SCAPER: variants seen among roughly 807,000 people sequenced by gnomAD.
SCAPER encodes the protein S-phase cyclin A associated protein in the ER, also known as S phase cyclin A-associated protein in the endoplasmic reticulum.
Under a neutral mutation model 182.2 loss-of-function variants are expected in SCAPER, and 98 were observed. The observed-to-expected ratio is 0.54, with a 90% CI of 0.46 to 0.64. SCAPER has a LOEUF of 0.64. Among genes scored for constraint, SCAPER ranks in the 30% least tolerant of loss-of-function variants. The pLI is 0.00. For missense variants in SCAPER, 1,432 were observed against 1,690.0 expected (o/e 0.85, Z 2.68); for synonymous variants, 605 against 564.6 (o/e 1.07, Z -1.01).
At chr15:76,855,457 C>CAAAAAAAAAAAAAA (rs34226154) in intron 4 of SCAPER, among the ~76,000 whole-genome samples, 1 of 116,326 alleles carries the variant, frequency 8.6e-6, no homozygotes, top group Admixed American at 8.5e-5. Flanking sequence ...TTCTGCACAG[C>CAAAAAAAAAAAAAA]AAAAAAAAAA....
chr15:76,434,032 A>G, intron 26 of SCAPER, 46 bp downstream of exon 26: 2 of 1,474,458 alleles, frequency 1.4e-6, no homozygotes, highest in Middle Eastern at 1.8e-4. Flanking sequence ...ATTTTAATAT[A>G]GTTTCTTAAC....
intron 20 of SCAPER, among the ~76,000 whole-genome samples, chr15:76,693,078 T>C (rs1428711550): frequency 1.3e-5 from 2 of 152,188 alleles, no homozygotes; most frequent in African/African-American, 4.8e-5. Context: ...GCTACATTTA[T>C]TTTAAGGCTA....
intron 15 of SCAPER, among the ~76,000 whole-genome samples, chr15:76,741,666 G>A (rs1156322726): frequency 1.3e-5 from 2 of 152,092 alleles, no homozygotes; most frequent in Non-Finnish European, 2.9e-5. Context: ...TATCTTTCTG[G>A]CTGATACACA....
chr15:76,381,733 G>A, intron 27 of SCAPER, 118 bp from the exon 28 acceptor site: 1 of 784,008 alleles, frequency 1.3e-6, no homozygotes, highest in Non-Finnish European at 2.0e-6. Context: ...GAGTTGTATA[G>A]TATGGTAACA....
At chr15:76,694,631 T>G (rs2058557774) in intron 20 of SCAPER, among the ~76,000 whole-genome samples, 1 of 152,112 alleles carries the variant, frequency 6.6e-6, no homozygotes, top group South Asian at 2.1e-4. Context: ...CCAGGAACTT[T>G]CCATACAATT....
intron 26 of SCAPER, among the ~76,000 whole-genome samples, chr15:76,432,298 G>A (rs2142514265): frequency 6.6e-6 from 1 of 152,366 alleles, no homozygotes; most frequent in South Asian, 2.1e-4. Context: ...TAAGATAAAT[G>A]GTTGTGGCCC....
At chr15:76,756,243 C>CAAAAAAAAAAAAAAA in intron 14 of SCAPER, among the ~76,000 whole-genome samples, 1 of 66,020 alleles carries the variant, frequency 1.5e-5, no homozygotes, top group Non-Finnish European at 2.7e-5. Flanking sequence ...GACTCCGTCT[C>CAAAAAAAAAAAAAAA]AAAAAAAAAA....
chr15:76,794,338 C>A (rs1182291121), intron 8 of SCAPER, among the ~76,000 whole-genome samples: 1 of 152,130 alleles, frequency 6.6e-6, no homozygotes, highest in Non-Finnish European at 1.5e-5. Context: ...ATTTTTACAA[C>A]ACATTTCTCT....
intron 25 of SCAPER, among the ~76,000 whole-genome samples, chr15:76,462,039 T>C (rs1171813058): frequency 6.6e-6 from 1 of 152,186 alleles, no homozygotes; most frequent in African/African-American, 2.4e-5. Flanking sequence ...TATCCCTTTG[T>C]AGCTTTTCTC....
At chr15:76,663,684 C>T (rs1415013174) in intron 21 of SCAPER, among the ~76,000 whole-genome samples, 1 of 151,706 alleles carries the variant, frequency 6.6e-6, no homozygotes, top group Non-Finnish European at 1.5e-5. Context: ...AGCATACCAG[C>T]GGTTGCCTCA....
At chr15:76,805,028 A>G (rs930635529) in intron 5 of SCAPER, among the ~76,000 whole-genome samples, 3 of 152,162 alleles carry the variant, frequency 2.0e-5, no homozygotes, top group African/African-American at 7.2e-5. Context: ...GGGCAAGATA[A>G]TAAGATGCCA....
intron 23 of SCAPER, among the ~76,000 whole-genome samples, chr15:76,571,478 G>T (rs1567491198): frequency 6.6e-6 from 1 of 152,012 alleles, no homozygotes; most frequent in Non-Finnish European, 1.5e-5. Context: ...CAAAACCCAG[G>T]TCTCCTCAGT....
At chr15:76,900,151 A>C (rs1027142813) in intron 1 of SCAPER, among the ~76,000 whole-genome samples, 3 of 152,090 alleles carry the variant, frequency 2.0e-5, no homozygotes, top group African/African-American at 7.2e-5. Flanking sequence ...CATGCTCGTT[A>C]AGAGTCATCA....
At chr15:76,436,187 C>T (rs1051964140) in intron 25 of SCAPER, among the ~76,000 whole-genome samples, 76 of 152,286 alleles carry the variant, frequency 5.0e-4, no homozygotes, top group Middle Eastern at 3.4e-3. Context: ...CCTGCCTCAG[C>T]CTCCTGAGTA....
intron 23 of SCAPER, among the ~76,000 whole-genome samples, chr15:76,511,883 A>AT (rs1307029813): frequency 4.5e-4 from 50 of 112,046 alleles, no homozygotes; most frequent in African/African-American, 1.2e-3. Context: ...ATATATATAT[A>AT]TATTTTTTTT....
chr15:76,862,180 G>C (rs2071930577), intron 3 of SCAPER, among the ~76,000 whole-genome samples: 1 of 152,010 alleles, frequency 6.6e-6, no homozygotes, highest in African/African-American at 2.4e-5. Context: ...TAATCTGCTG[G>C]TCATAATAAC....
chr15:76,691,444 C>A (rs1205101668), intron 20 of SCAPER, among the ~76,000 whole-genome samples: 2 of 151,856 alleles, frequency 1.3e-5, no homozygotes, highest in African/African-American at 4.8e-5. Context: ...AAAATTCAAA[C>A]GGTTATTTTT....
chr15:76,490,381 CAGTT>C (rs1248953131), intron 24 of SCAPER, among the ~76,000 whole-genome samples: 13 of 152,266 alleles, frequency 8.5e-5, no homozygotes, highest in Admixed American at 2.0e-4. Context: ...ATTCCTCTGA[CAGTT>C]AGGGACATTT....
chr15:76,422,167 T>C (rs1466810583), intron 26 of SCAPER, among the ~76,000 whole-genome samples: 2 of 152,222 alleles, frequency 1.3e-5, no homozygotes, highest in East Asian at 1.9e-4. Context: ...AAGTCACTGG[T>C]AGCTTGATGG....
Sources: allele counts gnomAD v4.1 joint callset (sites outside exome capture counted in the v4.1 genomes callset), GRCh38; gene constraint gnomAD v4.1.1; transcripts MANE v1.5; gene names NCBI Gene and HGNC (gene_info 2026-07-23, HGNC 2026-07-21).